Variants in OVCH1 observed in about 807,000 individuals in gnomAD.
The protein encoded by OVCH1 is ovochymase 1, also known as ovochymase-1.
A neutral mutation model predicts 138.4 loss-of-function variants in OVCH1; 139 were observed. The observed-to-expected ratio is 1.00, with a 90% CI of 0.87 to 1.16. OVCH1 has a LOEUF of 1.16. Among genes scored for constraint, OVCH1 ranks in the 50% most tolerant of loss-of-function variants. OVCH1 has a pLI of 0.00. For synonymous variants in OVCH1, 453 were observed against 467.8 expected, an observed-to-expected ratio of 0.97 and a Z score of 0.41; for missense variants, 1,367 against 1,357.9, an observed-to-expected ratio of 1.01 and a Z score of -0.11.
intron 16 of OVCH1, among the ~76,000 whole-genome samples, chr12:29,466,523 G>T (rs1942326723): frequency 6.6e-6 from 1 of 152,084 alleles, no homozygotes. Flanking sequence ...AAGTTCAAAG[G>T]AATTTATCAG....
At chr12:29,478,836 A>G in exon 9 of OVCH1, 1 of 1,575,556 alleles carries the variant, frequency 6.3e-7, no homozygotes. Context: ...CATACTTACT[A>G]AAAAGCACTC....
At chr12:29,463,451 T>C (rs1942206302) in intron 18 of OVCH1, among the ~76,000 whole-genome samples, 1 of 152,112 alleles carries the variant, frequency 6.6e-6, no homozygotes. Context: ...AAGGCCACGG[T>C]ATCTGAAGGT....
At chr12:29,492,220 TG>T (rs1401686866) in intron 4 of OVCH1, among the ~76,000 whole-genome samples, 4 of 152,024 alleles carry the variant, frequency 2.6e-5, no homozygotes, top group African/African-American at 9.7e-5. Flanking sequence ...TGTAGTTATC[TG>T]GGTGGAAGTC....
chr12:29,417,129 T>A (rs899824458), intron 3 of OVCH1, among the ~76,000 whole-genome samples: 13 of 152,016 alleles, frequency 8.6e-5, no homozygotes, highest in Non-Finnish European at 1.8e-4. Context: ...ATAACAAAAT[T>A]CTAGAAATAG....
intron 26 of OVCH1, among the ~76,000 whole-genome samples, chr12:29,437,739 A>C (rs1717863551): frequency 2.6e-5 from 4 of 152,164 alleles, no homozygotes; most frequent in South Asian, 2.1e-4. Context: ...TGGTATGTAA[A>C]TATTCAGTAA....
At chr12:29,471,775 G>A in intron 16 of OVCH1, 27 bp downstream of exon 16, 3 of 1,585,284 alleles carry the variant, frequency 1.9e-6, no homozygotes, top group South Asian at 2.3e-5. Flanking sequence ...GTGCTAAATA[G>A]GTTGGTAAAA....
intron 19 of OVCH1, among the ~76,000 whole-genome samples, chr12:29,460,347 A>G (rs532444425): frequency 1.3e-5 from 2 of 152,178 alleles, no homozygotes; most frequent in Non-Finnish European, 2.9e-5. Context: ...CTCAAATCCT[A>G]CAATAGACTG....
At chr12:29,451,255 A>G in intron 22 of OVCH1, 90 bp downstream of exon 22, 1 of 1,014,222 alleles carries the variant, frequency 9.9e-7, no homozygotes, top group Admixed American at 2.4e-5. Flanking sequence ...TTTTGGTAAC[A>G]TTATTACCAA....
At chr12:29,479,872 G>A (rs1942872520) in intron 8 of OVCH1, among the ~76,000 whole-genome samples, 1 of 138,016 alleles carries the variant, frequency 7.2e-6, no homozygotes, top group African/African-American at 2.7e-5. Flanking sequence ...CACCCAGGCT[G>A]GAGTGCAGTG....
intron 25 of OVCH1, among the ~76,000 whole-genome samples, chr12:29,441,312 G>A (rs376443116): frequency 3.3e-5 from 5 of 151,966 alleles, no homozygotes; most frequent in South Asian, 4.1e-4. Flanking sequence ...CAGAAATAAC[G>A]CCACATATCT....
At chr12:29,489,886 T>C in intron 5 of OVCH1, 115 bp from the exon 6 acceptor site, 4 of 1,166,168 alleles carry the variant, frequency 3.4e-6, no homozygotes, top group Non-Finnish European at 4.9e-6. Context: ...GTAGAAGTAA[T>C]TGTTTTTAGG....
downstream of OVCH1, among the ~76,000 whole-genome samples, chr12:29,411,337 T>A (rs1327958338): frequency 6.6e-6 from 1 of 151,220 alleles, no homozygotes; most frequent in African/African-American, 2.4e-5. Flanking sequence ...TTCGTTCCAT[T>A]GCTGGTGAGG....
rs1361254196 is a variant in OVCH1, at chr12:29,487,673, G to A, written c.892+20C>T. 2 of 1,567,454 alleles carry A rather than the reference G, an allele frequency of 1.3e-6. No homozygotes were observed. The highest frequency in any genetic ancestry group is 3.7e-5 in the Admixed American group (2 of 53,860). On this transcript the variant is annotated intron_variant, in intron 7 of 27. Coordinates refer to ENST00000318184, the Ensembl canonical transcript of OVCH1. ...CTACCCTTGAGTTAGGATGAGATGA[G>A]GAAGAAAGAATTCACCTACCTGTGA...
intron 22 of OVCH1, among the ~76,000 whole-genome samples, chr12:29,447,407 T>C (rs1038153006): frequency 6.6e-6 from 1 of 152,144 alleles, no homozygotes. Context: ...TGAAAGAAGA[T>C]CCTAGGCACT....
At position 29,481,115 on chromosome 12, in the gene OVCH1, A is replaced by T. The variant is rs189311102; in HGVS notation, c.996-2207T>A. The stretch of plus-strand genomic sequence containing the variant: ...GCCTATACTTGAGGTGTGAATTTAG[A>T]TGGTAGATCTGCACGAGTATTAACC... On this transcript the variant is annotated intron_variant, in intron 8 of 27. Coordinates refer to ENST00000318184, the Ensembl canonical transcript of OVCH1. 4.1e-4 allele frequency among the ~76,000 whole-genome samples: 63 copies of T among 151,932 alleles called. No homozygotes were observed. The East Asian group carries it at 6.8e-3, about 16-fold the overall frequency.
chr12:29,438,695 A>T (rs569435766), intron 26 of OVCH1, among the ~76,000 whole-genome samples: 70 of 152,302 alleles, frequency 4.6e-4, no homozygotes, highest in Non-Finnish European at 7.4e-4. Flanking sequence ...TATGGCTTTT[A>T]TTACTAAATG....
intron 12 of OVCH1, among the ~76,000 whole-genome samples, 166 bp from the exon 13 acceptor site, chr12:29,476,465 C>T (rs1942719576): frequency 6.6e-6 from 1 of 152,124 alleles, no homozygotes; most frequent in Non-Finnish European, 1.5e-5. Flanking sequence ...GCAACGACTA[C>T]CAGGTTTAAA....
chr12:29,455,820 CTGTT>C (rs1941934892), intron 19 of OVCH1, among the ~76,000 whole-genome samples: 1 of 150,862 alleles, frequency 6.6e-6, no homozygotes, highest in South Asian at 2.1e-4. Flanking sequence ...AATGTGCTGC[CTGTT>C]TTTTTCTTTT....
intron 26 of OVCH1, among the ~76,000 whole-genome samples, chr12:29,435,425 G>GGC (rs1401820716): frequency 6.6e-6 from 1 of 152,132 alleles, no homozygotes; most frequent in Non-Finnish European, 1.5e-5. Context: ...GGAGTGCAGT[G>GGC]GCGCGATCTC....
Sources: allele counts gnomAD v4.1 joint callset (sites outside exome capture counted in the v4.1 genomes callset), GRCh38; gene constraint gnomAD v4.1.1; transcripts MANE v1.5; gene names NCBI Gene and HGNC (gene_info 2026-07-23, HGNC 2026-07-21).